C1QTNF3: variants seen among roughly 807,000 people sequenced by gnomAD.
C1QTNF3 encodes C1q and TNF related 3, also known as complement C1q tumor necrosis factor-related protein 3.
Under a neutral mutation model 32.6 loss-of-function variants are expected in C1QTNF3, and 26 were observed. That is an observed-to-expected ratio of 0.80 (90% CI 0.58 to 1.11). The LOEUF (loss-of-function observed/expected upper bound fraction) is 1.11. C1QTNF3 is among the 50% of genes least tolerant of loss of function. The pLI is 0.00. For missense variants in C1QTNF3, 362 were observed against 398.2 expected, an observed-to-expected ratio of 0.91 and a Z score of 0.77; for synonymous variants, 155 against 146.0, an observed-to-expected ratio of 1.06 and a Z score of -0.44.
At chr5:34,137,484 T>C in the C1QTNF3 span, among the ~76,000 whole-genome samples, 1 of 152,146 alleles carries the variant, frequency 6.6e-6, no homozygotes, top group African/African-American at 2.4e-5. Context: ...TCATTCAATC[T>C]CCAGGTCTCC....
chr5:34,163,016 A>G, the C1QTNF3 span, among the ~76,000 whole-genome samples: 2 of 152,184 alleles, frequency 1.3e-5, no homozygotes, highest in Non-Finnish European at 2.9e-5. Flanking sequence ...TAATCAATGT[A>G]CAGAATGTTC....
chr5:34,088,902 G>A, the C1QTNF3 span, among the ~76,000 whole-genome samples: 2 of 151,844 alleles, frequency 1.3e-5, no homozygotes, highest in African/African-American at 2.4e-5. Context: ...AGAGTTATAC[G>A]CCAATCAAAG....
the C1QTNF3 span, among the ~76,000 whole-genome samples, chr5:34,114,677 A>T: frequency 6.6e-6 from 1 of 152,048 alleles, no homozygotes; most frequent in Non-Finnish European, 1.5e-5. Context: ...CTTTATTTCA[A>T]ATGCTCAGTT....
chr5:34,167,702 A>G, the C1QTNF3 span: 1 of 152,182 alleles, frequency 6.6e-6, no homozygotes, highest in Non-Finnish European at 1.5e-5. Flanking sequence ...TACAACCCAA[A>G]TGGGAAAACC....
At chr5:34,203,187 A>G in the C1QTNF3 span, among the ~76,000 whole-genome samples, 1 of 152,226 alleles carries the variant, frequency 6.6e-6, no homozygotes, top group Non-Finnish European at 1.5e-5. Context: ...TAGGACGAGA[A>G]ATCAAATAGC....
At chr5:34,118,505 C>T in the C1QTNF3 span, among the ~76,000 whole-genome samples, 1 of 152,084 alleles carries the variant, frequency 6.6e-6, no homozygotes, top group Non-Finnish European at 1.5e-5. Context: ...CTGGGAATGT[C>T]TTTCTTTTGT....
chr5:34,101,226 G>A, the C1QTNF3 span, among the ~76,000 whole-genome samples: 97 of 150,848 alleles, frequency 6.4e-4, 1 homozygote, highest in African/African-American at 2.3e-3. Flanking sequence ...TGTCATCTTG[G>A]TGGAAGTATT....
the C1QTNF3 span, chr5:34,165,826 A>C: frequency 6.7e-6 from 1 of 149,578 alleles, no homozygotes; most frequent in African/African-American, 2.4e-5. Context: ...AATATTTTCC[A>C]AACTCCATGA....
At chr5:34,063,106 T>C in the C1QTNF3 span, among the ~76,000 whole-genome samples, 13 of 151,980 alleles carry the variant, frequency 8.6e-5, no homozygotes, top group Non-Finnish European at 1.6e-4. Flanking sequence ...AGTATTGGAG[T>C]GTTATAGGGT....
chr5:34,085,742 C>T, the C1QTNF3 span, among the ~76,000 whole-genome samples: 7 of 151,684 alleles, frequency 4.6e-5, no homozygotes, highest in Admixed American at 1.3e-4. Flanking sequence ...CAATGAGATA[C>T]CATCTCATGC....
chr5:34,122,915 G>T, the C1QTNF3 span, among the ~76,000 whole-genome samples: 3 of 149,018 alleles, frequency 2.0e-5, no homozygotes, highest in Non-Finnish European at 4.5e-5. Context: ...TCCAGGGTCT[G>T]GGGGGCAGAA....
intron 3 of C1QTNF3, among the ~76,000 whole-genome samples, chr5:34,031,650 T>C (rs1012071720): frequency 6.6e-6 from 1 of 152,028 alleles, no homozygotes; most frequent in African/African-American, 2.4e-5. Context: ...CTGGCCAACA[T>C]AGAGAAATGC....
chr5:34,179,588 A>G, the C1QTNF3 span, among the ~76,000 whole-genome samples: 36 of 151,160 alleles, frequency 2.4e-4, no homozygotes, highest in Non-Finnish European at 2.7e-4. Flanking sequence ...TGTATTTTAC[A>G]TAAGGGCACG....
In C1QTNF3 at chr5:34,028,839, G is replaced by A. The variant is rs778458732; in HGVS notation, c.615C>T (p.Asn205=). The change falls in exon 4 of 6, where the codon AAC becomes AAT. Residue 205 remains asparagine (N), a synonymous_variant. Transcript: ENST00000382065. ...CAACACTGCTGAAGATAATCCCACT[G>A]TTCTGATTGCTGAAGTGGGTTGCCA... is the stretch of plus-strand genomic sequence containing the variant. ...ASLATHFSNQ[N]SGIIFSSVET... The A allele has an allele frequency of 6.2e-7, 1 of 1,612,886 alleles. No homozygotes were observed. Among genetic ancestry groups the A allele is most frequent in the Non-Finnish European group, 8.5e-7 (1 of 1,179,304 alleles).
the C1QTNF3 span, among the ~76,000 whole-genome samples, chr5:34,226,107 C>T: frequency 1.3e-5 from 2 of 151,836 alleles, no homozygotes; most frequent in Non-Finnish European, 2.9e-5. Context: ...TTGCTTTTTC[C>T]AAATCCGGGC....
the C1QTNF3 span, among the ~76,000 whole-genome samples, chr5:34,177,480 CTTTTTTTTTTT>C: frequency 1.2e-4 from 10 of 84,642 alleles, no homozygotes; most frequent in African/African-American, 3.8e-4. Flanking sequence ...CCATACCCAA[CTTTTTTTTTTT>C]TTTTTTTTTT....
the C1QTNF3 span, among the ~76,000 whole-genome samples, chr5:34,048,218 G>C: frequency 6.6e-6 from 1 of 151,706 alleles, no homozygotes; most frequent in African/African-American, 2.4e-5. Context: ...AAATCTATTT[G>C]AGAAGCCAAA....
upstream of C1QTNF3, among the ~76,000 whole-genome samples, chr5:34,045,417 T>C (rs1342325516): frequency 1.3e-5 from 2 of 152,226 alleles, no homozygotes; most frequent in East Asian, 3.9e-4. Context: ...CAGATGATTC[T>C]AAGGTGCATC....
chr5:34,147,980 C>T, the C1QTNF3 span, among the ~76,000 whole-genome samples: 2 of 152,044 alleles, frequency 1.3e-5, no homozygotes, highest in South Asian at 2.1e-4. Flanking sequence ...AGACAGTGGG[C>T]GCAGGCCAGT....
Sources: gnomAD v4.1 joint callset for allele counts (sites outside exome capture counted in the v4.1 genomes callset) on GRCh38, gnomAD v4.1.1 for gene constraint, MANE v1.5 for transcripts, NCBI Gene and HGNC (gene_info 2026-07-23, HGNC 2026-07-21) for gene names.